Variants in NR3C2 observed in about 807,000 individuals in gnomAD.
NR3C2 encodes the protein mineralocorticoid receptor.
In NR3C2, 15 loss-of-function variants were observed where a neutral mutation model predicts 86.4. That is an observed-to-expected ratio of 0.17 (90% CI 0.12 to 0.27). The LOEUF is 0.27. NR3C2 is among the 10% of genes least tolerant of loss of function. The probability of loss-of-function intolerance (pLI) is 1.00; values close to 1 mark genes in which losing one functional copy is unlikely to be tolerated. For missense variants in NR3C2, 960 were observed against 1,195.6 expected, an observed-to-expected ratio of 0.80 and a Z score of 2.91; for synonymous variants, 458 against 450.5, an observed-to-expected ratio of 1.02 and a Z score of -0.21.
rs149005682 is a variant in NR3C2, at chr4:148,349,396, C to T, written c.1757+85708G>A. Reference sequence around the variant, plus strand: ...TATAACCTGGGTCTGAAATGAAGCACTTCTCCAGGGACAACTCATAATTTT... The same window carrying T: ...TATAACCTGGGTCTGAAATGAAGCATTTCTCCAGGGACAACTCATAATTTT... On this transcript the variant is annotated intron_variant, in intron 2 of 8. Coordinates refer to ENST00000358102, the MANE Select transcript of NR3C2 (RefSeq NM_000901.5). 4.3e-4 allele frequency among the ~76,000 whole-genome samples: 66 copies of T among 152,162 alleles called. No individual in the cohort carries two copies. In the East Asian group the frequency reaches 0.013, roughly 29 times the overall value.
chr4:148,433,340 T>C (rs550904377), intron 2 of NR3C2, among the ~76,000 whole-genome samples: 1 of 152,298 alleles, frequency 6.6e-6, no homozygotes, highest in African/African-American at 2.4e-5. Flanking sequence ...AACAAAGGTA[T>C]AGTGCATAAT....
intron 2 of NR3C2, among the ~76,000 whole-genome samples, chr4:148,330,888 G>A (rs1744198396): frequency 6.6e-6 from 1 of 152,068 alleles, no homozygotes; most frequent in African/African-American, 2.4e-5. Context: ...TTCCCCCTCT[G>A]TCTTGCTCCA....
Position 148,080,929 on chromosome 4 carries a change from T to A in NR3C2, c.*415A>T. The stretch of plus-strand genomic sequence containing the variant: ...GAATATTAATGCCCCATATTGACTA[T>A]ACGTTTTATGTGCAAACCAAGGGTA... On this transcript the variant is annotated 3_prime_UTR_variant, in exon 9 of 9. Coordinates refer to ENST00000358102, the MANE Select transcript of NR3C2 (RefSeq NM_000901.5). The A allele has an allele frequency of 3.1e-6, 1 of 326,848 alleles. No individual in the cohort carries two copies. 20.2% of individuals were successfully genotyped at this position (326,848 alleles called of 1,614,324 possible).
At chr4:148,277,653 G>A (rs1399387096) in intron 2 of NR3C2, among the ~76,000 whole-genome samples, 1 of 152,192 alleles carries the variant, frequency 6.6e-6, no homozygotes, top group Non-Finnish European at 1.5e-5. Flanking sequence ...AATAAAAAGT[G>A]ATGTGTTCTT....
At chr4:148,253,541 T>C (rs776116624) in intron 3 of NR3C2, among the ~76,000 whole-genome samples, 2 of 152,202 alleles carry the variant, frequency 1.3e-5, no homozygotes, top group Non-Finnish European at 2.9e-5. Context: ...TGAATACTGA[T>C]TTCTTGGCCA....
At chr4:148,094,646 C>T (rs565467454) in intron 8 of NR3C2, among the ~76,000 whole-genome samples, 61 of 150,620 alleles carry the variant, frequency 4.0e-4, no homozygotes, top group African/African-American at 1.3e-3. Context: ...ACCCGGGAGG[C>T]GGAGGTTGCA....
At chr4:148,134,088 A>G (rs72651897) in intron 6 of NR3C2, among the ~76,000 whole-genome samples, 47 of 152,212 alleles carry the variant, frequency 3.1e-4, no homozygotes, top group Non-Finnish European at 5.9e-4. Context: ...ATCATCTAAA[A>G]GCTGATACAT....
At chr4:148,109,101 G>T (rs1731933716) in intron 8 of NR3C2, among the ~76,000 whole-genome samples, 1 of 152,144 alleles carries the variant, frequency 6.6e-6, no homozygotes, top group Non-Finnish European at 1.5e-5. Context: ...CAGCTATCTA[G>T]GAACCTTAAG....
At chr4:148,344,461 T>C (rs1744896748) in intron 2 of NR3C2, among the ~76,000 whole-genome samples, 1 of 152,158 alleles carries the variant, frequency 6.6e-6, no homozygotes, top group Non-Finnish European at 1.5e-5. Flanking sequence ...TTACTCAACC[T>C]CTGTAATTTA....
chr4:148,080,574 C>T lies in NR3C2; in HGVS notation c.*770G>A. ...CATTAAAGATTTTTTTTGTATGTGT[C>T]TCATTTACAAAAGATCCTTATACCT... On this transcript the variant is annotated 3_prime_UTR_variant, in exon 9 of 9. Transcript: ENST00000358102. 1 of 155,648 alleles carries T rather than the reference C, an allele frequency of 6.4e-6. No individual in the cohort carries two copies. Among genetic ancestry groups the T allele is most frequent in the Middle Eastern group, 1.3e-3 (1 of 788 alleles). 9.6% of individuals were successfully genotyped at this position (155,648 alleles called of 1,614,324 possible).
chr4:148,427,636 T>A (rs1432903695), intron 2 of NR3C2, among the ~76,000 whole-genome samples: 1 of 151,134 alleles, frequency 6.6e-6, no homozygotes, highest in Non-Finnish European at 1.5e-5. Context: ...AGGGCAGCCA[T>A]AGAAAGGGGG....
chr4:148,375,349 G>A (rs569724130), intron 2 of NR3C2, among the ~76,000 whole-genome samples: 8 of 152,002 alleles, frequency 5.3e-5, no homozygotes, highest in South Asian at 2.1e-4. Flanking sequence ...CCAGCTACTC[G>A]GGAGGCTGAG....
At chr4:148,100,415 C>T (rs181712409) in intron 8 of NR3C2, among the ~76,000 whole-genome samples, 89 of 152,266 alleles carry the variant, frequency 5.8e-4, no homozygotes, top group Middle Eastern at 3.4e-3. Flanking sequence ...GGGGCAAAGA[C>T]TTGAAAGACG....
intron 3 of NR3C2, among the ~76,000 whole-genome samples, chr4:148,239,454 G>A (rs1042234645): frequency 2.0e-5 from 3 of 152,180 alleles, no homozygotes; most frequent in African/African-American, 7.2e-5. Flanking sequence ...CACTCTTGAA[G>A]AGTATCTGCC....
intron 2 of NR3C2, among the ~76,000 whole-genome samples, chr4:148,410,575 C>T (rs61758263): frequency 1.1e-3 from 175 of 152,232 alleles, no homozygotes; most frequent in Admixed American, 1.6e-3. Context: ...GTTTAAAATA[C>T]AGAAATAAAA....
chr4:148,443,014 G>T (rs1008053446), upstream of NR3C2: 6 of 981,790 alleles, frequency 6.1e-6, no homozygotes, highest in African/African-American at 1.1e-4. Flanking sequence ...GCGCGGGGAG[G>T]ACTCTGGGTG....
chr4:148,323,699 G>A (rs1743780450), intron 2 of NR3C2, among the ~76,000 whole-genome samples: 1 of 152,098 alleles, frequency 6.6e-6, no homozygotes, highest in South Asian at 2.1e-4. Flanking sequence ...CTGACCCCTT[G>A]TGCTTCCCAA....
chr4:148,091,479 G>A (rs1428928084), intron 8 of NR3C2, among the ~76,000 whole-genome samples: 1 of 152,264 alleles, frequency 6.6e-6, no homozygotes, highest in Non-Finnish European at 1.5e-5. Context: ...GCAGCTGCAG[G>A]TGGTTAGATC....
rs1255421291 is a variant in NR3C2, at chr4:148,435,476, T to A, written c.1385A>T (p.Asp462Val). The change falls in exon 2 of 9, where the codon GAT becomes GTT. Residue 462 changes from aspartate (D) to valine (V), a missense_variant. By Grantham distance (152) the Asp-to-Val change is radical (BLOSUM62 -3). Transcript: ENST00000358102. Reference protein sequence around the residue: ...FMDGSYFSFMDDKDYYSLSGI... With the variant: ...FMDGSYFSFMVDKDYYSLSGI... ...TGATAGGGAATAATAGTCTTTATCA[T>A]CCATAAAGGAAAAATACGAGCCATC... The A allele has an allele frequency of 3.7e-6, 6 of 1,614,012 alleles. No homozygotes were observed. In the East Asian group the frequency reaches 6.7e-5, roughly 18 times the overall value.
Sources: gnomAD v4.1 joint callset for allele counts (sites outside exome capture counted in the v4.1 genomes callset) on GRCh38, gnomAD v4.1.1 for gene constraint, MANE v1.5 for transcripts, NCBI Gene and HGNC (gene_info 2026-07-23, HGNC 2026-07-21) for gene names.